IGHMBP2: variants seen among roughly 807,000 people sequenced by gnomAD.
IGHMBP2 encodes immunoglobulin mu DNA binding protein 2.
Under a neutral mutation model 96.0 loss-of-function variants are expected in IGHMBP2, and 81 were observed. The ratio of observed to expected loss-of-function variants is 0.84; its 90% confidence interval spans 0.71 to 1.01. The LOEUF is 1.01. Ranked by LOEUF, IGHMBP2 falls within the 50% of genes least tolerant of loss-of-function variation. The pLI is 0.00. For missense variants in IGHMBP2, 1,227 were observed against 1,306.3 expected, an observed-to-expected ratio of 0.94 and a Z score of 0.94; for synonymous variants, 557 against 548.9, an observed-to-expected ratio of 1.01 and a Z score of -0.21.
chr11:68,939,388 G>C (rs1052365042), intron 14 of IGHMBP2, 146 bp from the exon 15 acceptor site: 3 of 830,998 alleles, frequency 3.6e-6, no homozygotes, highest in Non-Finnish European at 5.8e-6. Context: ...CCGCCAGGCA[G>C]CCTGCAGGGT....
Position 68,935,290 on chromosome 11 carries a change from G to A in IGHMBP2, c.1633-9G>A, listed in dbSNP as rs1355072396. 5 of 1,613,870 alleles carry A rather than the reference G, an allele frequency of 3.1e-6. No individual in the cohort carries two copies. The highest frequency in any genetic ancestry group is 4.2e-6 in the Non-Finnish European group (5 of 1,179,972). Reference sequence around the variant, plus strand: ...GGGTGAGGAAACCACAGCCCGGCTGGTGTTTCAGGTGGACCTGCTCAGACA... The same window carrying A: ...GGGTGAGGAAACCACAGCCCGGCTGATGTTTCAGGTGGACCTGCTCAGACA... On this transcript the variant is annotated splice_polypyrimidine_tract_variant and intron_variant, in intron 11 of 14. Transcript: ENST00000255078.
intron 8 of IGHMBP2, among the ~76,000 whole-genome samples, chr11:68,931,062 C>T (rs1272583969): frequency 1.3e-5 from 2 of 152,316 alleles, no homozygotes; most frequent in East Asian, 3.9e-4. Context: ...ACTGGCAGCC[C>T]AGCTGCCAGC....
intron 6 of IGHMBP2, 36 bp downstream of exon 6, chr11:68,915,059 G>GCTTCT (rs1858597368): frequency 6.4e-7 from 1 of 1,558,172 alleles, no homozygotes; most frequent in South Asian, 1.1e-5. Context: ...TGGGGCGTGG[G>GCTTCT]CTTCTGATCT....
In IGHMBP2 at chr11:68,939,957, G is replaced by C. The variant is rs1447465473; in HGVS notation, c.*226G>C. The C allele has an allele frequency of 5.2e-6, 3 of 582,078 alleles. No individual in the cohort carries two copies. The highest frequency in any genetic ancestry group is 9.2e-6 in the Non-Finnish European group (3 of 326,894). 36.1% of individuals were successfully genotyped at this position (582,078 alleles called of 1,614,324 possible). A position where few individuals can be genotyped will look rare whatever the true frequency, so the allele number is the denominator to read the frequency against. ...GGGGACAACAGTGCTCGTGCAGGTG[G>C]GGCTTGGGAAATGCACGTCCCTTCC... On this transcript the variant is annotated 3_prime_UTR_variant, in exon 15 of 15. Coordinates refer to ENST00000255078, the MANE Select transcript of IGHMBP2 (RefSeq NM_002180.3).
chr11:68,928,729 G>A (rs1035698159), intron 7 of IGHMBP2, among the ~76,000 whole-genome samples: 2 of 152,136 alleles, frequency 1.3e-5, no homozygotes, highest in African/African-American at 2.4e-5. Context: ...CGCGTCCCAG[G>A]AAGGAAAAGC....
chr11:68,914,933 C>T lies in IGHMBP2; in HGVS notation c.822C>T (p.Ser274=). The T allele has an allele frequency of 6.2e-7, 1 of 1,614,126 alleles. No individual in the cohort carries two copies. The highest frequency in any genetic ancestry group is 8.5e-7 in the Non-Finnish European group (1 of 1,180,012). ...RLGHPARLLE[S]IQQHSLDAVL... ...GACACCCTGCCCGCCTCCTGGAGTC[C>T]ATTCAGCAGCACTCCCTGGATGCGG... The change falls in exon 6 of 15, where the codon TCC becomes TCT. Residue 274 remains serine (S), a synonymous_variant. Coordinates refer to ENST00000255078, the MANE Select transcript of IGHMBP2 (RefSeq NM_002180.3).
intron 4 of IGHMBP2, 75 bp from the exon 5 acceptor site, chr11:68,911,365 C>T: frequency 6.7e-7 from 1 of 1,486,030 alleles, no homozygotes. Flanking sequence ...TCCCCCGGGG[C>T]ACACACTCTC....
At position 68,910,380 on chromosome 11, in the gene IGHMBP2, G is replaced by A. The variant is rs185164876; in HGVS notation, c.548-1060G>A. On this transcript the variant is annotated intron_variant, in intron 4 of 14. Transcript: ENST00000255078. ...CTCTGGAATGGCTTGGCTAGAGCACGGGAACGTGGGGTTCAATGGCCTGTT... is the reference window on the plus strand; with the variant it reads ...CTCTGGAATGGCTTGGCTAGAGCACAGGAACGTGGGGTTCAATGGCCTGTT... Among the ~76,000 whole-genome samples the A allele has an allele frequency of 1.3e-4, 20 of 152,332 alleles. No individual in the cohort carries two copies. In the East Asian group the frequency reaches 1.9e-3, roughly 15 times the overall value.
At chr11:68,911,023 G>A (rs10792004) in intron 4 of IGHMBP2, among the ~76,000 whole-genome samples, 27,939 of 152,120 alleles carry the variant, frequency 0.18, 3,017 homozygotes, top group Non-Finnish European at 0.25. Context: ...GGGACATTAT[G>A]TTAGAAAGGA....
Position 68,908,236 on chromosome 11 carries a change from G to A in IGHMBP2, c.348G>A (p.Val116=). The change falls in exon 3 of 15, where the codon GTG becomes GTA. Residue 116 remains valine, a synonymous_variant. Transcript: ENST00000255078. ...LTRVTQKSVT[V]AFDESHDFQL... Reference sequence around the variant, plus strand: ...GGGTCACCCAGAAGTCGGTCACGGTGGCCTTTGATGAGTCCCACGATTTCC... The same window carrying A: ...GGGTCACCCAGAAGTCGGTCACGGTAGCCTTTGATGAGTCCCACGATTTCC... 1 of 1,614,084 alleles carries A rather than the reference G, an allele frequency of 6.2e-7. No individual in the cohort carries two copies. The highest frequency in any genetic ancestry group is 1.3e-5 in the African/African-American group (1 of 75,012).
intron 7 of IGHMBP2, among the ~76,000 whole-genome samples, chr11:68,920,170 T>C (rs1041839382): frequency 1.4e-4 from 22 of 152,376 alleles, no homozygotes; most frequent in African/African-American, 5.3e-4. Context: ...TGTCGTCTTG[T>C]GACTGGCTTG....
At chr11:68,933,996 A>T in intron 10 of IGHMBP2, 83 bp downstream of exon 10, 2 of 979,332 alleles carry the variant, frequency 2.0e-6, no homozygotes, top group Non-Finnish European at 1.6e-6. Context: ...TAATTGCCTA[A>T]TTCCGGGAGG....
intron 7 of IGHMBP2, among the ~76,000 whole-genome samples, chr11:68,919,647 G>A (rs531751366): frequency 4.1e-4 from 62 of 152,324 alleles, no homozygotes; most frequent in African/African-American, 1.4e-3. Flanking sequence ...GTTCAAGTCT[G>A]CTGTATTGAG....
chr11:68,903,959 T>G lies in IGHMBP2; in HGVS notation c.7T>G (p.Ser3Ala), dbSNP rs751910797. 17 of 1,564,308 alleles carry G rather than the reference T, an allele frequency of 1.1e-5. No individual in the cohort carries two copies. The Admixed American group carries it at 2.3e-4, about 21-fold the overall frequency. Reference sequence around the variant, plus strand: ...GCCCAGGCCGGCGGCGGCGATGGCCTCGGCAGCTGTGGAGAGCTTCGTGAC... The same window carrying G: ...GCCCAGGCCGGCGGCGGCGATGGCCGCGGCAGCTGTGGAGAGCTTCGTGAC... The part of the protein sequence containing the change: MA[S>A]AAVESFVTKQ... The change falls in exon 1 of 15, where the codon TCG becomes GCG. Residue 3 changes from serine (S) to alanine (A), a missense_variant. Coordinates refer to ENST00000255078, the MANE Select transcript of IGHMBP2 (RefSeq NM_002180.3).
intron 7 of IGHMBP2, among the ~76,000 whole-genome samples, chr11:68,928,242 A>G (rs970032164): frequency 1.3e-5 from 2 of 152,106 alleles, no homozygotes; most frequent in Non-Finnish European, 2.9e-5. Context: ...TTGTTGGGGA[A>G]CTAGAGTGAG....
At chr11:68,934,036 A>G (rs1859424606) in intron 10 of IGHMBP2, 123 bp downstream of exon 10, 2 of 766,436 alleles carry the variant, frequency 2.6e-6, no homozygotes, top group South Asian at 1.5e-5. Context: ...TGGCCGTGAA[A>G]AAACGGAGCC....
Position 68,906,084 on chromosome 11 carries a change from C to A in IGHMBP2, c.102C>A (p.Asn34Lys). 1 of 1,614,064 alleles carries A rather than the reference C, an allele frequency of 6.2e-7. No homozygotes were observed. The highest frequency in any genetic ancestry group is 1.1e-5 in the South Asian group (1 of 91,078). The change falls in exon 2 of 15, where the codon AAC (asparagine) becomes AAA (lysine). Residue 34 changes from asparagine to lysine, a missense_variant. Physicochemically the swap from Asn to Lys is moderately conservative, Grantham distance 94. Transcript: ENST00000255078. The part of the protein sequence containing the change: ...EVEERRSWQE[N>K]ISLKELQSRG... ...TGTCTTCCAGGTCCTGGCAGGAGAA[C>A]ATCTCTCTGAAAGAGCTCCAGAGCC...
Position 68,929,162 on chromosome 11 carries a change from C to T in IGHMBP2, c.1061-21C>T, listed in dbSNP as rs1248811837. On this transcript the variant is annotated intron_variant, in intron 7 of 14. Coordinates refer to ENST00000255078, the MANE Select transcript of IGHMBP2 (RefSeq NM_002180.3). ...GAAGCAGCTGTGCCCCTGGAGACTC[C>T]CGGCTCCCTGTTTCCACCAGGTGCG... 6.8e-6 allele frequency: 11 copies of T among 1,609,394 alleles called. No homozygotes were observed. The East Asian group carries it at 2.5e-4, about 36-fold the overall frequency.
At chr11:68,916,873 G>T (rs1036005423) in intron 6 of IGHMBP2, among the ~76,000 whole-genome samples, 1 of 151,090 alleles carries the variant, frequency 6.6e-6, no homozygotes, top group African/African-American at 2.4e-5. Flanking sequence ...TGCTTTTGAG[G>T]ATTTTCTTTC....
Sources: gnomAD v4.1 joint callset for allele counts (sites outside exome capture counted in the v4.1 genomes callset) on GRCh38, gnomAD v4.1.1 for gene constraint, MANE v1.5 for transcripts, NCBI Gene and HGNC (gene_info 2026-07-23, HGNC 2026-07-21) for gene names.